The following PDS5B variants were observed in gnomAD, a reference collection of about 807,000 sequenced individuals.
The protein encoded by PDS5B is sister chromatid cohesion protein PDS5 homolog B.
PDS5B carries 51 observed loss-of-function variants against 184.1 expected under a neutral mutation model. The observed-to-expected ratio is 0.28, with a 90% CI of 0.22 to 0.35. The LOEUF is 0.35. Among genes scored for constraint, PDS5B ranks in the 10% least tolerant of loss-of-function variants. The probability of loss-of-function intolerance (pLI) is 1.00; values close to 1 mark genes in which losing one functional copy is unlikely to be tolerated. For missense variants in PDS5B, 1,180 were observed against 1,723.3 expected, an observed-to-expected ratio of 0.68 and a Z score of 5.58; for synonymous variants, 566 against 569.2, an observed-to-expected ratio of 0.99 and a Z score of 0.08.
At position 32,587,905 on chromosome 13, in the gene PDS5B, T is replaced by C. The variant is rs1399225023; in HGVS notation, c.-20+1312T>C. On this transcript the variant is annotated intron_variant, in intron 1 of 34. Transcript: ENST00000315596. Reference sequence around the variant, plus strand: ...TGGAGAGAGTTGGGTAATCCTATACTATCTTCCTAATGAACTTCAAAAACT... The same window carrying C: ...TGGAGAGAGTTGGGTAATCCTATACCATCTTCCTAATGAACTTCAAAAACT... Among the ~76,000 whole-genome samples, 3 of 152,198 alleles carry C rather than the reference T, an allele frequency of 2.0e-5. No homozygotes were observed. The East Asian group carries it at 5.8e-4, about 29-fold the overall frequency.
intron 24 of PDS5B, among the ~76,000 whole-genome samples, chr13:32,751,795 C>T (rs897782075): frequency 2.0e-5 from 3 of 152,066 alleles, no homozygotes; most frequent in Non-Finnish European, 4.4e-5. Context: ...TTCTCCCATT[C>T]TGTAGTTTGT....
intron 14 of PDS5B, among the ~76,000 whole-genome samples, chr13:32,695,926 G>A (rs1003875881): frequency 2.0e-5 from 3 of 152,038 alleles, no homozygotes; most frequent in Non-Finnish European, 2.9e-5. Context: ...CAGTAAAGAT[G>A]GAGTTCTCAT....
At chr13:32,656,778 G>A (rs1950524451) in intron 3 of PDS5B, among the ~76,000 whole-genome samples, 2 of 152,012 alleles carry the variant, frequency 1.3e-5, no homozygotes, top group Admixed American at 6.6e-5. Context: ...CGTATTTTTA[G>A]TAGAGATGGG....
At chr13:32,653,151 G>A (rs539401226) in intron 3 of PDS5B, among the ~76,000 whole-genome samples, 34 of 152,064 alleles carry the variant, frequency 2.2e-4, no homozygotes, top group African/African-American at 5.1e-4. Context: ...AAAATTAGCC[G>A]GCTGTGTTGG....
intron 20 of PDS5B, among the ~76,000 whole-genome samples, chr13:32,733,130 A>C (rs141744826): frequency 6.6e-6 from 1 of 152,268 alleles, no homozygotes; most frequent in Non-Finnish European, 1.5e-5. Flanking sequence ...ATTGATGTTA[A>C]TTTATAGGAA....
At chr13:32,616,216 G>T (rs1423323558) in intron 1 of PDS5B, among the ~76,000 whole-genome samples, 3 of 151,756 alleles carry the variant, frequency 2.0e-5, no homozygotes, top group Admixed American at 2.0e-4. Flanking sequence ...ACCACACCCA[G>T]CTAATTTTTT....
intron 1 of PDS5B, among the ~76,000 whole-genome samples, chr13:32,619,058 A>G (rs371038629): frequency 1.3e-5 from 2 of 152,186 alleles, no homozygotes; most frequent in Non-Finnish European, 2.9e-5. Context: ...ACAGCTTTAT[A>G]CAAGTCTCAC....
chr13:32,644,005 C>T (rs180711569), intron 1 of PDS5B, among the ~76,000 whole-genome samples: 82 of 152,230 alleles, frequency 5.4e-4, no homozygotes, highest in Non-Finnish European at 9.0e-4. Flanking sequence ...GGGACAGTTT[C>T]TTTTCCAATA....
intron 6 of PDS5B, among the ~76,000 whole-genome samples, chr13:32,663,227 CT>C (rs1950696551): frequency 6.6e-6 from 1 of 151,866 alleles, no homozygotes; most frequent in Admixed American, 6.6e-5. Flanking sequence ...GCAAATATTC[CT>C]AACTTTCAGC....
intron 1 of PDS5B, among the ~76,000 whole-genome samples, chr13:32,599,511 G>A (rs977942808): frequency 2.6e-5 from 4 of 151,874 alleles, no homozygotes; most frequent in African/African-American, 4.8e-5. Context: ...TGATCTGCCC[G>A]CCTTGGGCTC....
At chr13:32,717,679 A>G (rs1952506550) in intron 19 of PDS5B, among the ~76,000 whole-genome samples, 1 of 144,106 alleles carries the variant, frequency 6.9e-6, no homozygotes, top group Non-Finnish European at 1.5e-5. Context: ...ACACCCAAGA[A>G]TGATCAATAA....
At position 32,686,452 on chromosome 13, in the gene PDS5B, G is replaced by A. The variant is rs533112188; in HGVS notation, c.1204-682G>A. 5.3e-5 allele frequency among the ~76,000 whole-genome samples: 8 copies of A among 152,172 alleles called. 1 individual carries two copies. The South Asian group carries it at 1.0e-3, about 20-fold the overall frequency. On this transcript the variant is annotated intron_variant, in intron 11 of 34. Transcript: ENST00000315596. Reference sequence around the variant, plus strand: ...AATTAGAAAAAAATTATGAGGGATGGGGGTTTATCCATTTAATTCTGTCTT... The same window carrying A: ...AATTAGAAAAAAATTATGAGGGATGAGGGTTTATCCATTTAATTCTGTCTT...
At chr13:32,650,090 G>A (rs1293238782) in intron 2 of PDS5B, 2 of 152,120 alleles carry the variant, frequency 1.3e-5, no homozygotes, top group East Asian at 1.9e-4. Flanking sequence ...GTCTTTTAGA[G>A]ATGTTATTTT....
At chr13:32,666,074 G>A (rs1950787497) in intron 6 of PDS5B, among the ~76,000 whole-genome samples, 1 of 151,996 alleles carries the variant, frequency 6.6e-6, no homozygotes, top group African/African-American at 2.4e-5. Flanking sequence ...GTTCTTTCTA[G>A]TATTTGTTTG....
intron 1 of PDS5B, among the ~76,000 whole-genome samples, chr13:32,631,106 C>CT (rs980228989): frequency 1.5e-5 from 2 of 134,998 alleles, no homozygotes; most frequent in Admixed American, 7.7e-5. Flanking sequence ...TCTATTGATT[C>CT]TTTTTTTCTT....
intron 7 of PDS5B, among the ~76,000 whole-genome samples, chr13:32,669,926 G>A (rs987264547): frequency 5.9e-5 from 9 of 151,902 alleles, no homozygotes. Context: ...TCACTTTCTA[G>A]TGGACTTAAT....
At chr13:32,732,028 A>G (rs1032048317) in intron 19 of PDS5B, 73 bp from the exon 20 acceptor site, 7 of 1,252,372 alleles carry the variant, frequency 5.6e-6, no homozygotes, top group Non-Finnish European at 7.8e-6. Context: ...TAAAAATACA[A>G]ATATTAAAGT....
chr13:32,594,090 AC>A (rs2057819089), intron 1 of PDS5B, among the ~76,000 whole-genome samples: 1 of 152,206 alleles, frequency 6.6e-6, no homozygotes, highest in African/African-American at 2.4e-5. Context: ...TCACCATGTA[AC>A]CCACAAACAT....
At chr13:32,620,521 G>C (rs2058284256) in intron 1 of PDS5B, among the ~76,000 whole-genome samples, 1 of 152,134 alleles carries the variant, frequency 6.6e-6, no homozygotes, top group African/African-American at 2.4e-5. Flanking sequence ...GGGTGTGGTG[G>C]CAGGTGCCTG....
Sources: allele counts gnomAD v4.1 joint callset (sites outside exome capture counted in the v4.1 genomes callset), GRCh38; gene constraint gnomAD v4.1.1; transcripts MANE v1.5; gene names NCBI Gene and HGNC (gene_info 2026-07-23, HGNC 2026-07-21).